The following GTF3C4 variants were observed in gnomAD, a reference collection of about 807,000 sequenced individuals.
GTF3C4 encodes the protein general transcription factor IIIC subunit 4.
A neutral mutation model predicts 67.5 loss-of-function variants in GTF3C4; 28 were observed. The ratio of observed to expected loss-of-function variants is 0.41; its 90% CI spans 0.31 to 0.57. GTF3C4 has a LOEUF of 0.57. Ranked by LOEUF, GTF3C4 falls within the 20% of genes least tolerant of loss-of-function variation. GTF3C4 has a pLI of 0.21. For synonymous variants in GTF3C4, 409 were observed against 393.0 expected (o/e 1.04, Z -0.48); for missense variants, 831 against 1,033.2 (o/e 0.80, Z 2.68).
chr9:132,685,222 T>C (rs1836007084), intron 3 of GTF3C4, among the ~76,000 whole-genome samples: 1 of 151,774 alleles, frequency 6.6e-6, no homozygotes, highest in Non-Finnish European at 1.5e-5. Flanking sequence ...GGTTTCACCA[T>C]GTTGACCAGG....
At chr9:132,671,021 C>T (rs532722425) in intron 1 of GTF3C4, 66 bp downstream of exon 1, 13 of 1,081,288 alleles carry the variant, frequency 1.2e-5, no homozygotes, top group African/African-American at 3.1e-5. Flanking sequence ...ATCATCCGTC[C>T]CAGGGGAATC....
At chr9:132,680,616 AT>A (rs1211532307) in intron 2 of GTF3C4, among the ~76,000 whole-genome samples, 1 of 152,264 alleles carries the variant, frequency 6.6e-6, no homozygotes, top group African/African-American at 2.4e-5. Flanking sequence ...CTAAAGTCTT[AT>A]TTAAAGTATT....
At chr9:132,684,386 C>T (rs988628188) in intron 3 of GTF3C4, among the ~76,000 whole-genome samples, 1 of 152,194 alleles carries the variant, frequency 6.6e-6, no homozygotes, top group Non-Finnish European at 1.5e-5. Flanking sequence ...ACCATCATCT[C>T]TTGCCCAGCT....
Position 132,694,451 on chromosome 9 carries a change from G to C in GTF3C4, c.*5506G>C, listed in dbSNP as rs1836166041. ...GGGTTTGAACTGGCTTTTTTGGGTTGAACCAGATCATCCCACATCCTTAGC... is the reference window on the plus strand; with the variant it reads ...GGGTTTGAACTGGCTTTTTTGGGTTCAACCAGATCATCCCACATCCTTAGC... On this transcript the variant is annotated 3_prime_UTR_variant, in exon 5 of 5. Coordinates refer to ENST00000372146, the MANE Select transcript of GTF3C4 (RefSeq NM_012204.4). 1 of 152,206 alleles carries C rather than the reference G, an allele frequency of 6.6e-6. No homozygotes were observed. Among genetic ancestry groups the C allele is most frequent in the African/African-American group, 2.4e-5 (1 of 41,440 alleles). 9.4% of individuals were successfully genotyped at this position (152,206 alleles called of 1,614,324 possible).
chr9:132,683,463 T>G, intron 2 of GTF3C4, 100 bp from the exon 3 acceptor site: 2 of 1,095,922 alleles, frequency 1.8e-6, no homozygotes, highest in Non-Finnish European at 2.6e-6. Flanking sequence ...GCTCTTTTCT[T>G]TTTTTCTTTA....
chr9:132,670,183 C>T (rs1368986026), upstream of GTF3C4: 1 of 1,589,648 alleles, frequency 6.3e-7, no homozygotes, highest in Non-Finnish European at 8.6e-7. Flanking sequence ...GGCAAAATTA[C>T]ATTCGGCCGA....
At position 132,677,156 on chromosome 9, in the gene GTF3C4, C is replaced by T. The variant is rs187098678; in HGVS notation, c.358-821C>T. ...GTGGCTCACACCTGTAATCCCAGCACTTTGGGAGGCCGAGGCAGGTGGATC... is the reference window on the plus strand; with the variant it reads ...GTGGCTCACACCTGTAATCCCAGCATTTTGGGAGGCCGAGGCAGGTGGATC... On this transcript the variant is annotated intron_variant, in intron 1 of 4. Transcript: ENST00000372146. Among the ~76,000 whole-genome samples the T allele has an allele frequency of 4.6e-5, 7 of 152,292 alleles. No homozygotes were observed. In the East Asian group the frequency reaches 1.4e-3, roughly 29 times the overall value.
intron 1 of GTF3C4, among the ~76,000 whole-genome samples, chr9:132,675,031 GT>G (rs1052796049): frequency 1.3e-5 from 2 of 150,232 alleles, no homozygotes; most frequent in Non-Finnish European, 1.5e-5. Flanking sequence ...AATCTCAAAA[GT>G]TTTTTTTTTA....
intron 3 of GTF3C4, among the ~76,000 whole-genome samples, chr9:132,686,927 A>G (rs1415895467): frequency 6.6e-6 from 1 of 152,232 alleles, no homozygotes; most frequent in Non-Finnish European, 1.5e-5. Flanking sequence ...TACATGATCA[A>G]TTTTTAAAAA....
intron 3 of GTF3C4, among the ~76,000 whole-genome samples, chr9:132,686,862 C>T (rs1332047288): frequency 1.3e-5 from 2 of 152,086 alleles, no homozygotes; most frequent in East Asian, 1.9e-4. Context: ...GTAGCGAGAC[C>T]CTGTCTCAAA....
At chr9:132,687,350 G>A (rs1234302443) in intron 4 of GTF3C4, 23 bp downstream of exon 4, 2 of 1,104,948 alleles carry the variant, frequency 1.8e-6, no homozygotes, top group East Asian at 4.7e-5. Context: ...CCTTACTTGG[G>A]AGGGTGGGTG....
chr9:132,689,046 C>G lies in GTF3C4; in HGVS notation c.*101C>G. On this transcript the variant is annotated 3_prime_UTR_variant, in exon 5 of 5. Coordinates refer to ENST00000372146, the MANE Select transcript of GTF3C4 (RefSeq NM_012204.4). The stretch of plus-strand genomic sequence containing the variant: ...TGCACTGGAGGAAGCCGGACCCTCA[C>G]GAGTGGAGAGAAGTCCTTGGTGATT... 1 of 848,224 alleles carries G rather than the reference C, an allele frequency of 1.2e-6. No individual in the cohort carries two copies. Among genetic ancestry groups the G allele is most frequent in the East Asian group, 2.5e-5 (1 of 40,586 alleles). The allele number at this position is 848,224 out of a possible 1,614,324, so 52.5% of individuals were successfully genotyped here. A position where few individuals can be genotyped will look rare whatever the true frequency, so the allele number is the denominator to read the frequency against.
In GTF3C4 at chr9:132,685,159, C is replaced by A. The variant is rs12348101; in HGVS notation, c.2315+1466C>A. Among the ~76,000 whole-genome samples, 812 of 152,004 alleles carry A rather than the reference C, an allele frequency of 5.3e-3. 9 individuals are homozygous for A. Among genetic ancestry groups the A allele is most frequent in the African/African-American group, 0.018 (759 of 41,472 alleles). On this transcript the variant is annotated intron_variant, in intron 3 of 4. Coordinates refer to ENST00000372146, the MANE Select transcript of GTF3C4 (RefSeq NM_012204.4). ...CTTCCCCTATAGCTGGAACTACAGG[C>A]ATGCGCCACCACACCCGGCTAATTT...
At chr9:132,681,966 TAAAA>T (rs56402111) in intron 2 of GTF3C4, among the ~76,000 whole-genome samples, 38,979 of 114,550 alleles carry the variant, frequency 0.34, 5,660 homozygotes, top group Middle Eastern at 0.49. Context: ...CTACATAAAG[TAAAA>T]AAAAAAAAAA....
At chr9:132,684,454 G>A (rs1835995433) in intron 3 of GTF3C4, among the ~76,000 whole-genome samples, 1 of 152,068 alleles carries the variant, frequency 6.6e-6, no homozygotes, top group Non-Finnish European at 1.5e-5. Context: ...TGCCCCTCCA[G>A]TCTGTTATTA....
chr9:132,689,091 C>T lies in GTF3C4; in HGVS notation c.*146C>T. 1 of 646,974 alleles carries T rather than the reference C, an allele frequency of 1.5e-6. No homozygotes were observed. The highest frequency in any genetic ancestry group is 1.7e-5 in the South Asian group (1 of 57,720). 40.1% of individuals were successfully genotyped at this position (646,974 alleles called of 1,614,324 possible). ...GTGATTGTAAAGAGGGCCCCTGGAG[C>T]TCATTTCTGAATCGCACTCTCCATT... On this transcript the variant is annotated 3_prime_UTR_variant, in exon 5 of 5. Transcript: ENST00000372146.
Position 132,670,792 on chromosome 9 carries a change from G to T in GTF3C4, c.194G>T (p.Ser65Ile). 1 of 1,595,184 alleles carries T rather than the reference G, an allele frequency of 6.3e-7. No homozygotes were observed. Among genetic ancestry groups the T allele is most frequent in the African/African-American group, 1.3e-5 (1 of 74,704 alleles). Residue 65 changes from serine (S) to isoleucine (I), a missense_variant, in exon 1 of 5, where the codon AGC (serine) becomes ATC (isoleucine). This residue lies in a region of GTF3C4 where 237 missense variants were observed against 212.7 expected (regional missense o/e 1.11). Transcript: ENST00000372146. ...GCCGTGAAGCTGCAGTATGCGGTGAGCGGCCTGGAACCGCTGGCTTGGTCC... is the reference window on the plus strand; with the variant it reads ...GCCGTGAAGCTGCAGTATGCGGTGATCGGCCTGGAACCGCTGGCTTGGTCC... Reference protein sequence around the residue: ...EPAVKLQYAVSGLEPLAWSED... With the variant: ...EPAVKLQYAVIGLEPLAWSED...
chr9:132,687,421 C>T (rs568864277), intron 4 of GTF3C4, 94 bp downstream of exon 4: 2 of 686,068 alleles, frequency 2.9e-6, no homozygotes, highest in African/African-American at 1.8e-5. Context: ...ACGCTCTACA[C>T]TTCTTGGTAT....
chr9:132,674,137 G>A (rs1835831361), intron 1 of GTF3C4, among the ~76,000 whole-genome samples: 1 of 152,190 alleles, frequency 6.6e-6, no homozygotes, highest in South Asian at 2.1e-4. Flanking sequence ...TTTTTGTCAG[G>A]TGCTTACAAA....
Sources: allele counts gnomAD v4.1 joint callset (sites outside exome capture counted in the v4.1 genomes callset), GRCh38; gene constraint gnomAD v4.1.1; regional missense constraint gnomAD v4.1.1; transcripts MANE v1.5; gene names NCBI Gene and HGNC (gene_info 2026-07-23, HGNC 2026-07-21).